ABCC4: variants seen among roughly 807,000 people sequenced by gnomAD.
The protein encoded by ABCC4 is ATP binding cassette subfamily C member 4 (PEL blood group), also known as ATP-binding cassette sub-family C member 4.
ABCC4 carries 102 observed loss-of-function variants against 168.5 expected under a neutral mutation model. That is an observed-to-expected ratio of 0.61 (90% CI 0.52 to 0.71). ABCC4 has a LOEUF of 0.71. Ranked by LOEUF, ABCC4 falls within the 30% of genes least tolerant of loss-of-function variation. The probability of loss-of-function intolerance (pLI) is 0.00; values close to 1 mark genes in which losing one functional copy is unlikely to be tolerated. For synonymous variants in ABCC4, 617 were observed against 590.7 expected (o/e 1.04, Z -0.65); for missense variants, 1,402 against 1,605.8 (o/e 0.87, Z 2.17).
chr13:95,043,933 C>A, intron 28 of ABCC4, 146 bp from the exon 29 acceptor site: 1 of 629,316 alleles, frequency 1.6e-6, no homozygotes, highest in Non-Finnish European at 2.6e-6. Flanking sequence ...TGTTTTAGGA[C>A]AATCTTATTC....
chr13:95,286,644 T>C (rs1289709229), intron 1 of ABCC4, among the ~76,000 whole-genome samples: 4 of 151,842 alleles, frequency 2.6e-5, no homozygotes, highest in African/African-American at 4.8e-5. Flanking sequence ...CCCTGCTTGA[T>C]TGGAGGTGAG....
Position 95,156,000 on chromosome 13 carries a change from A to G in ABCC4, c.2455+5189T>C, listed in dbSNP as rs374299987. Among the ~76,000 whole-genome samples, 29 of 152,260 alleles carry G rather than the reference A, an allele frequency of 1.9e-4. No individual in the cohort carries two copies. The East Asian group carries it at 2.5e-3, about 13-fold the overall frequency. ...AACTAAAGAAACTAACTGTGTAACTATCTTTCTCTGCAAACTCATGCTTAC... is the reference window on the plus strand; with the variant it reads ...AACTAAAGAAACTAACTGTGTAACTGTCTTTCTCTGCAAACTCATGCTTAC... On this transcript the variant is annotated intron_variant, in intron 19 of 30. Transcript: ENST00000645237.
chr13:95,228,876 A>G (rs1433258619), intron 4 of ABCC4, among the ~76,000 whole-genome samples: 2 of 152,116 alleles, frequency 1.3e-5, no homozygotes, highest in East Asian at 3.8e-4. Context: ...CCTGGGCAAC[A>G]TAGGGAGACC....
chr13:95,187,321 C>T (rs1235583441), intron 10 of ABCC4, among the ~76,000 whole-genome samples: 1 of 152,168 alleles, frequency 6.6e-6, no homozygotes, highest in African/African-American at 2.4e-5. Flanking sequence ...ATAACATATC[C>T]TGGCCAGGTG....
chr13:95,157,207 C>T (rs2036897960), intron 19 of ABCC4, among the ~76,000 whole-genome samples: 1 of 151,940 alleles, frequency 6.6e-6, no homozygotes, highest in South Asian at 2.1e-4. Context: ...AGCCCGCTCC[C>T]AACAGCAGAC....
At chr13:95,295,738 G>A (rs2041513550) in intron 1 of ABCC4, among the ~76,000 whole-genome samples, 1 of 152,026 alleles carries the variant, frequency 6.6e-6, no homozygotes, top group Non-Finnish European at 1.5e-5. Context: ...GCCAAGGAGG[G>A]CGGATCACAA....
chr13:95,214,590 A>C (rs2039057427), intron 4 of ABCC4, among the ~76,000 whole-genome samples: 1 of 152,186 alleles, frequency 6.6e-6, no homozygotes. Context: ...GCTGAAAGAC[A>C]GACAAAAATA....
At chr13:95,077,333 C>G (rs1452891098) in intron 21 of ABCC4, among the ~76,000 whole-genome samples, 1 of 151,940 alleles carries the variant, frequency 6.6e-6, no homozygotes, top group Non-Finnish European at 1.5e-5. Context: ...GTTAAGATAA[C>G]TTTTTATTTA....
intron 29 of ABCC4, among the ~76,000 whole-genome samples, chr13:95,036,844 G>A (rs538159698): frequency 1.5e-4 from 23 of 152,168 alleles, no homozygotes; most frequent in African/African-American, 5.1e-4. Flanking sequence ...AGCACTTTGG[G>A]AGGCCAAGGC....
intron 20 of ABCC4, among the ~76,000 whole-genome samples, chr13:95,112,450 C>T (rs998686766): frequency 2.6e-5 from 4 of 152,050 alleles, no homozygotes; most frequent in East Asian, 1.9e-4. Context: ...AATAACAACT[C>T]GACAGTCTTA....
At chr13:95,261,384 T>C (rs183671323) in intron 1 of ABCC4, among the ~76,000 whole-genome samples, 5 of 152,164 alleles carry the variant, frequency 3.3e-5, no homozygotes, top group East Asian at 1.9e-4. Flanking sequence ...AAGAGGCAGA[T>C]GTTGCAGTGA....
At chr13:95,053,841 G>A (rs1426479306) in intron 26 of ABCC4, 1 of 152,510 alleles carries the variant, frequency 6.6e-6, no homozygotes, top group East Asian at 1.9e-4. Flanking sequence ...GCTGGGCATG[G>A]TGGCACATGC....
chr13:95,082,962 T>C (rs1186567892), intron 21 of ABCC4, among the ~76,000 whole-genome samples, 178 bp downstream of exon 21: 1 of 152,168 alleles, frequency 6.6e-6, no homozygotes. Flanking sequence ...CGTTGCAGGC[T>C]ATCAATTCCA....
intron 4 of ABCC4, among the ~76,000 whole-genome samples, chr13:95,220,549 CAG>C (rs780548602): frequency 1.3e-5 from 2 of 151,718 alleles, no homozygotes; most frequent in Non-Finnish European, 2.9e-5. Context: ...AAAAAAATGA[CAG>C]ATGTCAGAAA....
chr13:95,206,426 G>A (rs1049882792), intron 8 of ABCC4, 106 bp downstream of exon 8: 3 of 1,463,172 alleles, frequency 2.1e-6, no homozygotes, highest in African/African-American at 2.8e-5. Context: ...TTTTGGTTAT[G>A]AGAGAGTTAA....
intron 3 of ABCC4, among the ~76,000 whole-genome samples, chr13:95,241,632 G>A (rs187114302): frequency 3.0e-4 from 45 of 152,188 alleles, no homozygotes; most frequent in Non-Finnish European, 6.6e-4. Flanking sequence ...GAAATTTGCG[G>A]GCTGTTCTGT....
intron 14 of ABCC4, among the ~76,000 whole-genome samples, chr13:95,169,944 C>A (rs1288789397): frequency 6.6e-6 from 1 of 152,198 alleles, no homozygotes; most frequent in African/African-American, 2.4e-5. Flanking sequence ...ACAACCTCCG[C>A]CTCCCGGGTT....
intron 1 of ABCC4, among the ~76,000 whole-genome samples, chr13:95,255,944 T>A (rs1287793923): frequency 6.6e-6 from 1 of 151,922 alleles, no homozygotes; most frequent in Non-Finnish European, 1.5e-5. Flanking sequence ...TATAATCCCA[T>A]CTTCCCAGCA....
At chr13:95,080,577 G>A (rs888565354) in intron 21 of ABCC4, among the ~76,000 whole-genome samples, 5 of 152,040 alleles carry the variant, frequency 3.3e-5, no homozygotes, top group Non-Finnish European at 7.4e-5. Flanking sequence ...GGGTTCAAGA[G>A]ATTCTCATGT....
Sources: allele counts gnomAD v4.1 joint callset (sites outside exome capture counted in the v4.1 genomes callset), GRCh38; gene constraint gnomAD v4.1.1; transcripts MANE v1.5; gene names NCBI Gene and HGNC (gene_info 2026-07-23, HGNC 2026-07-21).